Variants in DENND1A observed in about 807,000 individuals in gnomAD.
DENND1A encodes the protein DENN domain-containing protein 1A.
In DENND1A, 51 loss-of-function variants were observed where a neutral mutation model predicts 113.7. That is an observed-to-expected ratio of 0.45 (90% CI 0.36 to 0.57). DENND1A has a LOEUF of 0.57. Among genes scored for constraint, DENND1A ranks in the 20% least tolerant of loss-of-function variants. The pLI is 0.00. For missense variants in DENND1A, 1,258 were observed against 1,395.9 expected (o/e 0.90, Z 1.57); for synonymous variants, 565 against 570.8 (o/e 0.99, Z 0.14).
At chr9:123,413,575 G>A in intron 19 of DENND1A, 3 of 985,554 alleles carry the variant, frequency 3.0e-6, no homozygotes, top group South Asian at 4.7e-5. Context: ...TGTCGGGGCA[G>A]CCTGAGGGGA....
At chr9:123,870,495 G>A (rs956267819) in intron 2 of DENND1A, among the ~76,000 whole-genome samples, 1 of 149,576 alleles carries the variant, frequency 6.7e-6, no homozygotes, top group South Asian at 2.1e-4. Context: ...GGAGTGCAGT[G>A]GCGTGATCTG....
rs1853794015 is a variant in DENND1A at position 123,910,643 on chromosome 9, A to C, written c.17+19246T>G. 4.6e-5 allele frequency among the ~76,000 whole-genome samples: 7 copies of C among 152,346 alleles called. No individual in the cohort carries two copies. In the South Asian group the frequency reaches 1.5e-3, roughly 32 times the overall value. ...AGACTTAAGATCTCTTGTTAATCAA[A>C]AAGCACTATTAAGTGGCTGGGCCCA... is the stretch of plus-strand genomic sequence containing the variant. On this transcript the variant is annotated intron_variant, in intron 1 of 23. Coordinates refer to ENST00000394215, the MANE Select transcript of DENND1A (RefSeq NM_001352964.2).
At chr9:123,632,904 TAATAA>T (rs2061541516) in intron 9 of DENND1A, among the ~76,000 whole-genome samples, 2 of 151,280 alleles carry the variant, frequency 1.3e-5, no homozygotes, top group East Asian at 1.9e-4. Flanking sequence ...ATTATAATAA[TAATAA>T]TATTATTATT....
intron 13 of DENND1A, among the ~76,000 whole-genome samples, chr9:123,522,232 G>A (rs2054456306): frequency 6.6e-6 from 1 of 152,208 alleles, no homozygotes; most frequent in Non-Finnish European, 1.5e-5. Context: ...ATTCACACAG[G>A]GAAAATTGGC....
intron 13 of DENND1A, among the ~76,000 whole-genome samples, chr9:123,552,002 C>CGAGAGA (rs1190191759): frequency 1.9e-5 from 2 of 107,094 alleles, no homozygotes; most frequent in East Asian, 2.4e-4. Flanking sequence ...CGAGAGAGAG[C>CGAGAGA]GAGAGAGAGC....
At chr9:123,753,269 G>A (rs561097598) in intron 5 of DENND1A, among the ~76,000 whole-genome samples, 1 of 152,184 alleles carries the variant, frequency 6.6e-6, no homozygotes, top group African/African-American at 2.4e-5. Context: ...TGTGGGAGGA[G>A]AAAAAAACAT....
At chr9:123,436,735 T>G (rs73575511) in intron 19 of DENND1A, among the ~76,000 whole-genome samples, 33,787 of 152,056 alleles carry the variant, frequency 0.22, 3,865 homozygotes, top group Middle Eastern at 0.26. Flanking sequence ...GCGAGTTCAG[T>G]TTGTTGACAA....
chr9:123,569,206 C>T (rs936087843), intron 12 of DENND1A, among the ~76,000 whole-genome samples: 4 of 152,094 alleles, frequency 2.6e-5, no homozygotes, highest in African/African-American at 4.8e-5. Flanking sequence ...AAAAGAAATC[C>T]GTGTACAATA....
intron 2 of DENND1A, among the ~76,000 whole-genome samples, chr9:123,812,349 T>A (rs185661749): frequency 1.0e-3 from 158 of 152,330 alleles, no homozygotes; most frequent in African/African-American, 3.5e-3. Flanking sequence ...AGCTATATAA[T>A]TCTTTATTCT....
At chr9:123,620,105 T>G (rs547695414) in intron 10 of DENND1A, among the ~76,000 whole-genome samples, 141 of 149,364 alleles carry the variant, frequency 9.4e-4, no homozygotes, top group Non-Finnish European at 1.2e-3. Context: ...TCTCAGCTAC[T>G]TGGGAGGCTG....
chr9:123,621,866 T>C (rs994481530), intron 10 of DENND1A, among the ~76,000 whole-genome samples: 1 of 152,228 alleles, frequency 6.6e-6, no homozygotes, highest in African/African-American at 2.4e-5. Flanking sequence ...TTCAGAATTG[T>C]GTCCAGATTG....
In DENND1A at chr9:123,652,004, T is replaced by C. The variant is rs181491163; in HGVS notation, c.618+9A>G. 1.2e-6 allele frequency: 2 copies of C among 1,609,462 alleles called. No homozygotes were observed. The highest frequency in any genetic ancestry group is 4.5e-5 in the East Asian group (2 of 44,834). ...CATTAAAAAGCCAGTCTTAAGACTGTCTACTCACAGTGCTGAGTTTGCTGC... is the reference window on the plus strand; with the variant it reads ...CATTAAAAAGCCAGTCTTAAGACTGCCTACTCACAGTGCTGAGTTTGCTGC... On this transcript the variant is annotated intron_variant, in intron 9 of 23. Coordinates refer to ENST00000394215, the MANE Select transcript of DENND1A (RefSeq NM_001352964.2).
rs150989014 is a variant in DENND1A, at chr9:123,562,482, T to C, written c.868-4787A>G. On this transcript the variant is annotated intron_variant, in intron 12 of 23. Coordinates refer to ENST00000394215, the MANE Select transcript of DENND1A (RefSeq NM_001352964.2). ...ATGAACTGACACAAAAAGATGTCTG[T>C]CAAATACTGTCGAGTGAGGAAAAAC... 2.6e-5 allele frequency among the ~76,000 whole-genome samples: 4 copies of C among 152,276 alleles called. No individual in the cohort carries two copies. The East Asian group carries it at 7.7e-4, about 29-fold the overall frequency.
At position 123,761,711 on chromosome 9, in the gene DENND1A, T is replaced by C. The variant is rs1313732970; in HGVS notation, c.183-3889A>G. On this transcript the variant is annotated intron_variant, in intron 4 of 23. Coordinates refer to ENST00000394215, the MANE Select transcript of DENND1A (RefSeq NM_001352964.2). ...AAACCAGTAGGCTCTAAAAGATTGT[T>C]TCCTTGGACAATTTCCAATAAACTA... Among the ~76,000 whole-genome samples, 3 of 152,194 alleles carry C rather than the reference T, an allele frequency of 2.0e-5. No homozygotes were observed. The East Asian group carries it at 5.8e-4, about 29-fold the overall frequency.
chr9:123,454,679 G>A, intron 16 of DENND1A, 60 bp downstream of exon 16: 1 of 1,514,606 alleles, frequency 6.6e-7, no homozygotes, highest in Non-Finnish European at 9.0e-7. Context: ...CAGGGAAGCG[G>A]AAGGCTGCCA....
At chr9:123,668,007 T>C (rs1589592013) in intron 7 of DENND1A, among the ~76,000 whole-genome samples, 1 of 152,102 alleles carries the variant, frequency 6.6e-6, no homozygotes, top group East Asian at 1.9e-4. Context: ...CAATGAGGCA[T>C]CTCCATATGC....
intron 3 of DENND1A, among the ~76,000 whole-genome samples, chr9:123,785,994 C>T (rs529837876): frequency 1.1e-4 from 16 of 152,208 alleles, no homozygotes; most frequent in African/African-American, 3.6e-4. Flanking sequence ...GTGAGGATCA[C>T]CTGAGGTCAG....
intron 13 of DENND1A, among the ~76,000 whole-genome samples, chr9:123,484,576 C>G (rs372898682): frequency 6.6e-6 from 1 of 152,170 alleles, no homozygotes; most frequent in East Asian, 1.9e-4. Flanking sequence ...GACCCTGCCC[C>G]GGCCCCTGCC....
intron 17 of DENND1A, among the ~76,000 whole-genome samples, chr9:123,451,763 T>C (rs1227400343): frequency 6.6e-6 from 1 of 152,220 alleles, no homozygotes; most frequent in East Asian, 1.9e-4. Flanking sequence ...GTGGCAAATG[T>C]GAGCACCAAC....
Sources: gnomAD v4.1 joint callset for allele counts (sites outside exome capture counted in the v4.1 genomes callset) on GRCh38, gnomAD v4.1.1 for gene constraint, MANE v1.5 for transcripts, NCBI Gene and HGNC (gene_info 2026-07-23, HGNC 2026-07-21) for gene names.